DACH1: variants seen among roughly 807,000 people sequenced by gnomAD.
DACH1 encodes dachshund homolog 1.
Under a neutral mutation model 54.2 loss-of-function variants are expected in DACH1, and 12 were observed. The observed-to-expected ratio is 0.22, with a 90% CI of 0.14 to 0.36. The LOEUF (loss-of-function observed/expected upper bound fraction) is 0.36, where lower values mean the gene tolerates loss of function less well. DACH1 is among the 10% of genes least tolerant of loss of function. The probability of loss-of-function intolerance (pLI) is 1.00; values close to 1 mark genes in which losing one functional copy is unlikely to be tolerated. For missense variants in DACH1, 805 were observed against 929.8 expected, an observed-to-expected ratio of 0.87 and a Z score of 1.75; for synonymous variants, 386 against 366.2, an observed-to-expected ratio of 1.05 and a Z score of -0.62.
At chr13:71,821,027 G>T (rs534552629) in intron 1 of DACH1, among the ~76,000 whole-genome samples, 1 of 152,204 alleles carries the variant, frequency 6.6e-6, no homozygotes, top group African/African-American at 2.4e-5. Flanking sequence ...ACTGCAAAGT[G>T]GTTGCAGCAT....
intron 6 of DACH1, among the ~76,000 whole-genome samples, chr13:71,506,185 T>C (rs1219167066): frequency 1.3e-5 from 2 of 151,876 alleles, no homozygotes; most frequent in African/African-American, 2.4e-5. Flanking sequence ...GTGCACATTG[T>C]GCAGGTTAGT....
intron 1 of DACH1, among the ~76,000 whole-genome samples, chr13:71,703,524 T>C (rs1594115499): frequency 1.3e-5 from 2 of 152,196 alleles, no homozygotes; most frequent in African/African-American, 4.8e-5. Flanking sequence ...GTATTGTTTG[T>C]TGCTGCAGGT....
intron 3 of DACH1, among the ~76,000 whole-genome samples, chr13:71,598,400 A>G (rs980875080): frequency 1.3e-5 from 2 of 151,854 alleles, no homozygotes; most frequent in African/African-American, 4.8e-5. Flanking sequence ...GATTACAGCC[A>G]TGCGCCACCA....
chr13:71,652,910 C>A (rs1490873904), intron 2 of DACH1, among the ~76,000 whole-genome samples: 1 of 152,034 alleles, frequency 6.6e-6, no homozygotes, highest in Non-Finnish European at 1.5e-5. Flanking sequence ...GAAAAGTGGA[C>A]CGCGATGACC....
At chr13:71,507,066 T>G (rs1880392135) in intron 6 of DACH1, among the ~76,000 whole-genome samples, 1 of 151,352 alleles carries the variant, frequency 6.6e-6, no homozygotes, top group Non-Finnish European at 1.5e-5. Flanking sequence ...GGGATCTAAT[T>G]AAACTAAAGA....
At chr13:71,513,275 A>T (rs1566308472) in intron 6 of DACH1, among the ~76,000 whole-genome samples, 1 of 152,022 alleles carries the variant, frequency 6.6e-6, no homozygotes, top group Admixed American at 6.6e-5. Flanking sequence ...TATCTAGAAC[A>T]AAGGTAAACT....
chr13:71,857,180 T>G (rs2138279982), intron 1 of DACH1, among the ~76,000 whole-genome samples: 1 of 151,930 alleles, frequency 6.6e-6, no homozygotes, highest in South Asian at 2.1e-4. Flanking sequence ...TAAAGTACAT[T>G]ATCATAAAAA....
chr13:71,679,075 C>T (rs986518070), intron 2 of DACH1, among the ~76,000 whole-genome samples: 1 of 152,082 alleles, frequency 6.6e-6, no homozygotes, highest in African/African-American at 2.4e-5. Context: ...TGACAGAAGT[C>T]CTGGTTTCTG....
intron 4 of DACH1, 67 bp from the exon 5 acceptor site, chr13:71,560,022 A>G: frequency 7.8e-6 from 11 of 1,408,402 alleles, no homozygotes; most frequent in Non-Finnish European, 1.0e-5. Flanking sequence ...TACTTAATGA[A>G]TGTTGTTTTT....
At position 71,750,297 on chromosome 13, in the gene DACH1, C is replaced by CT; in HGVS notation, c.849-68388dup. Among the ~76,000 whole-genome samples, 3 of 152,166 alleles carry CT rather than the reference C, an allele frequency of 2.0e-5. No individual in the cohort carries two copies. In the South Asian group the frequency reaches 6.2e-4, roughly 32 times the overall value. On this transcript the variant is annotated intron_variant, in intron 1 of 10. Coordinates refer to ENST00000613252, the MANE Select transcript of DACH1 (RefSeq NM_080759.6). Reference sequence around the variant, plus strand: ...CACTTACCCTACCATGCAATAATTGCTTTTTTTGAATTGTTCCCTAATCCT... The same window carrying CT: ...CACTTACCCTACCATGCAATAATTGCTTTTTTTTGAATTGTTCCCTAATCCT...
chr13:71,522,445 A>G (rs1330310225), intron 6 of DACH1, among the ~76,000 whole-genome samples: 1 of 151,970 alleles, frequency 6.6e-6, no homozygotes, highest in Non-Finnish European at 1.5e-5. Context: ...TGATGAGAAC[A>G]CTACTTTCGC....
At chr13:71,664,023 C>T (rs1356499725) in intron 2 of DACH1, among the ~76,000 whole-genome samples, 1 of 151,770 alleles carries the variant, frequency 6.6e-6, no homozygotes, top group African/African-American at 2.4e-5. Flanking sequence ...AAAAAATCTC[C>T]AGTGTGAAGT....
chr13:71,815,375 TATTC>T (rs1887873218), intron 1 of DACH1, among the ~76,000 whole-genome samples: 1 of 152,158 alleles, frequency 6.6e-6, no homozygotes, highest in African/African-American at 2.4e-5. Flanking sequence ...AGCACAGTGT[TATTC>T]ATTATTACCA....
chr13:71,636,785 A>G (rs1245740941), intron 2 of DACH1, among the ~76,000 whole-genome samples: 1 of 151,992 alleles, frequency 6.6e-6, no homozygotes, highest in African/African-American at 2.4e-5. Context: ...TTTCTTTCCT[A>G]TTGAATCTTG....
chr13:71,700,635 A>G (rs1056075530), intron 1 of DACH1, among the ~76,000 whole-genome samples: 16 of 151,866 alleles, frequency 1.1e-4, no homozygotes, highest in Admixed American at 7.2e-4. Flanking sequence ...AGCAGTCCTA[A>G]TGAACATAGT....
chr13:71,622,601 TA>T (rs1876327968), intron 3 of DACH1, among the ~76,000 whole-genome samples: 1 of 151,908 alleles, frequency 6.6e-6, no homozygotes, highest in African/African-American at 2.4e-5. Flanking sequence ...AAACTTTACG[TA>T]AACAGTATAG....
rs1883992604 is a variant in DACH1 at position 71,735,256 on chromosome 13, C to CATAT, written c.849-53347_849-53346insATAT. On this transcript the variant is annotated intron_variant, in intron 1 of 10. Coordinates refer to ENST00000613252, the MANE Select transcript of DACH1 (RefSeq NM_080759.6). Reference sequence around the variant, plus strand: ...ATGGGATACACGTATATGGGATATACGTGTATATGGGATACACGTATGTAT... The same window carrying CATAT: ...ATGGGATACACGTATATGGGATATACATATGTGTATATGGGATACACGTATGTAT... 2.9e-5 allele frequency among the ~76,000 whole-genome samples: 2 copies of CATAT among 67,970 alleles called. 1 individual carries two copies. Among genetic ancestry groups the CATAT allele is most frequent in the Admixed American group, 3.4e-4 (2 of 5,964 alleles). 44.6% of individuals were successfully genotyped at this position (67,970 alleles called of 152,430 possible).
In DACH1 at chr13:71,452,355, T is replaced by C. The variant is rs146121409; in HGVS notation, c.2084-11663A>G. On this transcript the variant is annotated intron_variant, in intron 10 of 10. Transcript: ENST00000613252. ...GTTGCCCAGGCTGGTCTCAAACTCC[T>C]GGACTCATGCGACCTGCCTGCCTCT... is the stretch of plus-strand genomic sequence containing the variant. 4.4e-3 allele frequency among the ~76,000 whole-genome samples: 677 copies of C among 152,250 alleles called. 4 individuals carry two copies. The highest frequency in any genetic ancestry group is 7.6e-3 in the Non-Finnish European group (517 of 68,016).
In DACH1 at chr13:71,489,034, C is replaced by G; in HGVS notation, c.1685G>C (p.Gly562Ala). The G allele has an allele frequency of 6.2e-7, 1 of 1,613,646 alleles. No homozygotes were observed. Among genetic ancestry groups the G allele is most frequent in the Non-Finnish European group, 8.5e-7 (1 of 1,179,780 alleles). Residue 562 changes from glycine (G) to alanine (A), a missense_variant, in exon 7 of 11, where the codon GGA (glycine) becomes GCA (alanine). Physicochemically the swap from Gly to Ala is moderately conservative, Grantham distance 60. Around this residue, in one of 3 missense-constraint regions of DACH1, gnomAD observed 472 missense variants for 545.3 expected, o/e 0.87. Transcript: ENST00000613252. ...CAGAAGAGTCTCGATGGAAGACAGT[C>G]CATCAGGAAACAGAAAAGGAGATGG... Reference protein sequence around the residue: ...GFPSPFLFPDGLSSIETLLTN... With the variant: ...GFPSPFLFPDALSSIETLLTN...
Sources: gnomAD v4.1 joint callset for allele counts (sites outside exome capture counted in the v4.1 genomes callset) on GRCh38, gnomAD v4.1.1 for gene constraint, gnomAD v4.1.1 regional missense constraint, MANE v1.5 for transcripts, NCBI Gene and HGNC (gene_info 2026-07-23, HGNC 2026-07-21) for gene names.